Variants in GEMIN8 observed in about 807,000 individuals in gnomAD.
The protein encoded by GEMIN8 is gem nuclear organelle associated protein 8.
For missense variants in GEMIN8, 185 were observed against 205.9 expected (o/e 0.90, Z 0.62); for synonymous variants, 80 against 78.5 (o/e 1.02, Z -0.10).
intron 2 of GEMIN8, among the ~76,000 whole-genome samples, chrX:14,022,450 T>C (rs1377699658): frequency 3.6e-5 from 4 of 112,035 alleles, no homozygotes; most frequent in African/African-American, 1.3e-4. Context: ...AGGCACCAGA[T>C]AGACTGCCTC....
chrX:14,003,550 T>C (rs1315165292), downstream of GEMIN8, among the ~76,000 whole-genome samples: 2 of 112,497 alleles, frequency 1.8e-5, no homozygotes, highest in Non-Finnish European at 3.8e-5. Context: ...CTGACCTGGA[T>C]GGAACTGAGG....
chrX:14,007,764 T>C lies in GEMIN8; in HGVS notation c.*1149A>G, dbSNP rs1020168928. Among the ~76,000 whole-genome samples the C allele has an allele frequency of 2.2e-4, 24 of 110,785 alleles. No homozygotes were observed. The highest frequency in any genetic ancestry group is 7.6e-4 in the African/African-American group (23 of 30,392). ...GGATGGTCTCGATCTCCTGATCTCG[T>C]GATCTGCCCACCTCAGCCTCCCAAA... On this transcript the variant is annotated 3_prime_UTR_variant, in exon 5 of 5. Coordinates refer to ENST00000680255, the MANE Select transcript of GEMIN8 (RefSeq NM_001042479.2).
chrX:14,028,720 G>T (rs899757170), intron 1 of GEMIN8, among the ~76,000 whole-genome samples: 18 of 112,081 alleles, frequency 1.6e-4, no homozygotes, highest in Non-Finnish European at 3.4e-4. Flanking sequence ...GCACAGCAAT[G>T]AACACACAGA....
At chrX:14,025,739 T>C (rs1217645707) in intron 2 of GEMIN8, among the ~76,000 whole-genome samples, 1 of 111,900 alleles carries the variant, frequency 8.9e-6, no homozygotes, top group Non-Finnish European at 1.9e-5. Flanking sequence ...TAACTAAAAA[T>C]AACAATAAAA....
chrX:14,026,449 T>G, intron 1 of GEMIN8: 1 of 721,972 alleles, frequency 1.4e-6, no homozygotes, highest in Non-Finnish European at 1.6e-6. Flanking sequence ...AGGCAGAGAC[T>G]GAGTCTTGAA....
At chrX:14,016,350 T>C (rs1923897397) in intron 4 of GEMIN8, among the ~76,000 whole-genome samples, 1 of 112,331 alleles carries the variant, frequency 8.9e-6, no homozygotes, top group African/African-American at 3.2e-5. Flanking sequence ...TCCCAGTCCA[T>C]GTACTTTACT....
chrX:13,985,496 T>C, the GEMIN8 span, among the ~76,000 whole-genome samples: 1 of 112,324 alleles, frequency 8.9e-6, no homozygotes, highest in Non-Finnish European at 1.9e-5. Context: ...ATTATTTTTA[T>C]GTACTGACTT....
intron 4 of GEMIN8, chrX:14,014,016 C>T (rs1923741709): frequency 2.7e-6 from 2 of 734,948 alleles, no homozygotes; most frequent in Non-Finnish European, 3.2e-6. Context: ...ACGTAATAGT[C>T]CATAAAGGAA....
chrX:14,016,862 A>ATATATAT (rs1923948292), intron 4 of GEMIN8, among the ~76,000 whole-genome samples: 2 of 77,833 alleles, frequency 2.6e-5, no homozygotes, highest in African/African-American at 1.2e-4. Flanking sequence ...AAAAAAAAAA[A>ATATATAT]AAAAATATAT....
rs1268466037 is a variant in GEMIN8 at position 14,007,490 on chromosome X, T to C, written c.*1423A>G. 8.9e-6 allele frequency among the ~76,000 whole-genome samples: 1 copy of C among 111,853 alleles called. No homozygotes were observed. Among genetic ancestry groups the C allele is most frequent in the Non-Finnish European group, 1.9e-5 (1 of 53,217 alleles). ...TATATAGTAAGAAATCAACTGTGCG[T>C]TTTCTGCAACAGAGGTGACTGCAGC... is the stretch of plus-strand genomic sequence containing the variant. On this transcript the variant is annotated 3_prime_UTR_variant, in exon 5 of 5. Transcript: ENST00000680255.
chrX:13,997,229 C>T, the GEMIN8 span, among the ~76,000 whole-genome samples: 4 of 111,301 alleles, frequency 3.6e-5, no homozygotes, highest in Admixed American at 2.9e-4. Context: ...CATGAGCCAC[C>T]GTGCCCGGCT....
At chrX:14,010,106 G>A (rs1462863683) in intron 4 of GEMIN8, among the ~76,000 whole-genome samples, 1 of 111,889 alleles carries the variant, frequency 8.9e-6, no homozygotes, top group Non-Finnish European at 1.9e-5. Context: ...TTCTCACTAC[G>A]GGATTTGACT....
Position 14,009,051 on chromosome X carries a change from G to A in GEMIN8, c.591C>T (p.Arg197=), listed in dbSNP as rs780005099. The change falls in exon 5 of 5, where the codon CGC becomes CGT. Residue 197 remains arginine, a synonymous_variant. Coordinates refer to ENST00000680255, the MANE Select transcript of GEMIN8 (RefSeq NM_001042479.2). ...CGTACAAACGCTTCATCTCGGCCTG[G>A]CGCCGCTCACCAGGCCTCTCAGTTG... ...EAPTERPGER[R]QAEMKRLYGD... The A allele has an allele frequency of 8.3e-7, 1 of 1,212,092 alleles. No individual in the cohort carries two copies. Among genetic ancestry groups the A allele is most frequent in the Non-Finnish European group, 1.1e-6 (1 of 895,488 alleles).
At position 14,020,412 on chromosome X, in the gene GEMIN8, C is replaced by T. The variant is rs759443911; in HGVS notation, c.138G>A (p.Val46=). The T allele has an allele frequency of 8.3e-7, 1 of 1,207,986 alleles. No homozygotes were observed. The highest frequency in any genetic ancestry group is 2.2e-5 in the Admixed American group (1 of 46,000). ...QSHHNAYRKA[V]ESCFNLPWYL... The stretch of plus-strand genomic sequence containing the variant: ...ACCATGGAAGATTGAAACAGGATTC[C>T]ACGGCCTTCCTGTAGGCATTGTGAT... Residue 46 remains valine, a synonymous_variant, in exon 4 of 5, where the codon GTG becomes GTA. Coordinates refer to ENST00000680255, the MANE Select transcript of GEMIN8 (RefSeq NM_001042479.2).
chrX:14,015,177 C>T (rs1311558475), intron 4 of GEMIN8, among the ~76,000 whole-genome samples: 1 of 111,676 alleles, frequency 9.0e-6, no homozygotes, highest in African/African-American at 3.3e-5. Flanking sequence ...TTTCAGAGGG[C>T]CTTACTCTCT....
chrX:14,021,544 A>C (rs1368114889), intron 2 of GEMIN8, 33 bp from the exon 3 acceptor site: 1 of 1,050,409 alleles, frequency 9.5e-7, no homozygotes, highest in Non-Finnish European at 1.3e-6. Context: ...CAAACGTCTG[A>C]TCAGTATGGC....
chrX:14,007,552 T>C lies in GEMIN8; in HGVS notation c.*1361A>G, dbSNP rs1647008354. Among the ~76,000 whole-genome samples the C allele has an allele frequency of 9.0e-6, 1 of 111,095 alleles. No homozygotes were observed. Among genetic ancestry groups the C allele is most frequent in the South Asian group, 3.8e-4 (1 of 2,623 alleles). ...TTGGGAATTATTGTTCTTTTTTTTTTTTCTTTTGAGATGGAGTCTCACTCT... is the reference window on the plus strand; with the variant it reads ...TTGGGAATTATTGTTCTTTTTTTTTCTTCTTTTGAGATGGAGTCTCACTCT... On this transcript the variant is annotated 3_prime_UTR_variant, in exon 5 of 5. Transcript: ENST00000680255.
chrX:14,026,303 A>G (rs1185683551), intron 1 of GEMIN8, 82 bp from the exon 2 acceptor site: 1 of 749,676 alleles, frequency 1.3e-6, no homozygotes, highest in East Asian at 1.5e-4. Context: ...CAGTGAGCAC[A>G]ATGGCATAAT....
At chrX:14,002,097 CAAAAAAAAAAAAA>C (rs59550732), downstream of GEMIN8, among the ~76,000 whole-genome samples, 2 of 23,632 alleles carry the variant, frequency 8.5e-5, no homozygotes, top group South Asian at 3.2e-3. Flanking sequence ...TGCACTCCAG[CAAAAAAAAAAAAA>C]AAAAAAAAAA....
Sources: gnomAD v4.1 joint callset for allele counts (sites outside exome capture counted in the v4.1 genomes callset) on GRCh38, gnomAD v4.1.1 for gene constraint, MANE v1.5 for transcripts, NCBI Gene and HGNC (gene_info 2026-07-23, HGNC 2026-07-21) for gene names.